LYPD6B: variants seen among roughly 807,000 people sequenced by gnomAD.
LYPD6B encodes the protein ly6/PLAUR domain-containing protein 6B.
Under a neutral mutation model 22.8 loss-of-function variants are expected in LYPD6B, and 17 were observed. The observed-to-expected ratio is 0.75, with a 90% CI of 0.51 to 1.12. The LOEUF is 1.12. Ranked by LOEUF, LYPD6B falls within the 50% of genes most tolerant of loss-of-function variation. The pLI is 0.00. For synonymous variants in LYPD6B, 106 were observed against 91.6 expected, an observed-to-expected ratio of 1.16 and a Z score of -0.90; for missense variants, 221 against 258.3, an observed-to-expected ratio of 0.86 and a Z score of 0.99.
At chr2:149,043,447 A>C (rs1290696860) in intron 1 of LYPD6B, among the ~76,000 whole-genome samples, 2 of 152,192 alleles carry the variant, frequency 1.3e-5, no homozygotes, top group Non-Finnish European at 2.9e-5. Flanking sequence ...CGCAAATAAA[A>C]TTTTAAAGTG....
intron 1 of LYPD6B, among the ~76,000 whole-genome samples, chr2:149,117,307 G>A (rs1687056281): frequency 6.9e-6 from 1 of 144,064 alleles, no homozygotes; most frequent in South Asian, 2.2e-4. Flanking sequence ...GTCTCCCTCT[G>A]TCGCTCAGGC....
At chr2:149,149,346 A>AT (rs1361610607) in intron 2 of LYPD6B, among the ~76,000 whole-genome samples, 2 of 152,074 alleles carry the variant, frequency 1.3e-5, no homozygotes, top group Admixed American at 6.6e-5. Context: ...TTTGTGTGTG[A>AT]TTTTGTATGC....
intron 1 of LYPD6B, among the ~76,000 whole-genome samples, chr2:149,048,360 C>T (rs983676723): frequency 1.1e-4 from 16 of 152,160 alleles, no homozygotes; most frequent in African/African-American, 3.6e-4. Context: ...TCAGTGTACC[C>T]CCAGACTTCA....
chr2:149,149,593 G>A (rs929061676), intron 2 of LYPD6B, among the ~76,000 whole-genome samples: 8 of 152,222 alleles, frequency 5.3e-5, no homozygotes, highest in Admixed American at 2.0e-4. Context: ...TATTCCAAGC[G>A]GCCAGGGAAG....
intron 1 of LYPD6B, among the ~76,000 whole-genome samples, chr2:149,068,420 G>A (rs1558978709): frequency 6.6e-6 from 1 of 152,104 alleles, no homozygotes; most frequent in East Asian, 1.9e-4. Flanking sequence ...GAATTTTCAA[G>A]CTTCATTTGC....
chr2:149,185,374 G>A (rs1466677679), intron 3 of LYPD6B, among the ~76,000 whole-genome samples: 1 of 152,184 alleles, frequency 6.6e-6, no homozygotes, highest in Non-Finnish European at 1.5e-5. Flanking sequence ...TGTGAGCTGG[G>A]AACCTATCCC....
chr2:149,191,715 C>T (rs564044604), intron 3 of LYPD6B, among the ~76,000 whole-genome samples: 1 of 152,100 alleles, frequency 6.6e-6, no homozygotes, highest in East Asian at 1.9e-4. Context: ...CAGGGAGAGG[C>T]CTGGTGATTT....
chr2:149,142,406 C>A (rs1575052469), intron 2 of LYPD6B, among the ~76,000 whole-genome samples: 1 of 152,190 alleles, frequency 6.6e-6, no homozygotes, highest in East Asian at 1.9e-4. Flanking sequence ...GGGTCTTACA[C>A]CAGGGGCTCA....
intron 1 of LYPD6B, among the ~76,000 whole-genome samples, chr2:149,053,472 T>C (rs1683655545): frequency 1.3e-5 from 2 of 152,236 alleles, no homozygotes; most frequent in African/African-American, 4.8e-5. Context: ...ATTTGAACTA[T>C]TGGGTCAAAT....
chr2:149,098,855 A>G (rs1686052992), intron 1 of LYPD6B, among the ~76,000 whole-genome samples: 1 of 151,216 alleles, frequency 6.6e-6, no homozygotes, highest in African/African-American at 2.4e-5. Context: ...CACATCCTGC[A>G]CTTTTACAAG....
chr2:149,091,641 G>T (rs950745001), intron 1 of LYPD6B, among the ~76,000 whole-genome samples: 1 of 151,190 alleles, frequency 6.6e-6, no homozygotes, highest in African/African-American at 2.4e-5. Flanking sequence ...TTTTTAAGTA[G>T]GTACAAATCT....
intron 1 of LYPD6B, among the ~76,000 whole-genome samples, chr2:149,119,375 G>A (rs1015047536): frequency 6.6e-6 from 1 of 152,198 alleles, no homozygotes; most frequent in East Asian, 1.9e-4. Context: ...GTGTTTTGTT[G>A]TAATGTCAAT....
intron 1 of LYPD6B, among the ~76,000 whole-genome samples, chr2:149,109,298 A>G (rs947775512): frequency 1.3e-5 from 2 of 152,056 alleles, no homozygotes; most frequent in Non-Finnish European, 2.9e-5. Flanking sequence ...CGTTAGGTTG[A>G]TAGTTTTTCT....
chr2:149,080,898 T>C (rs191538017), intron 1 of LYPD6B, among the ~76,000 whole-genome samples: 8 of 140,330 alleles, frequency 5.7e-5, no homozygotes, highest in Non-Finnish European at 9.2e-5. Context: ...TATTAGGCAA[T>C]GCCAACCTAG....
At chr2:149,103,616 G>A (rs1686319562) in intron 1 of LYPD6B, among the ~76,000 whole-genome samples, 1 of 151,880 alleles carries the variant, frequency 6.6e-6, no homozygotes, top group Non-Finnish European at 1.5e-5. Context: ...ACCCCCAAAT[G>A]TTTTCTCTTG....
chr2:149,083,499 C>CA (rs1403372703), intron 1 of LYPD6B, among the ~76,000 whole-genome samples: 1 of 152,208 alleles, frequency 6.6e-6, no homozygotes, highest in Non-Finnish European at 1.5e-5. Flanking sequence ...ACAGTCTCTA[C>CA]ACCTTCTTTT....
intron 1 of LYPD6B, among the ~76,000 whole-genome samples, chr2:149,106,765 C>A (rs1284630880): frequency 6.6e-6 from 1 of 151,946 alleles, no homozygotes; most frequent in Non-Finnish European, 1.5e-5. Context: ...TGTTTTTCTG[C>A]TTTCTATTTT....
intron 3 of LYPD6B, among the ~76,000 whole-genome samples, chr2:149,182,729 T>A (rs1242655881): frequency 6.6e-6 from 1 of 152,186 alleles, no homozygotes; most frequent in Non-Finnish European, 1.5e-5. Context: ...TCTCAGACTG[T>A]CAGGATATAC....
intron 1 of LYPD6B, among the ~76,000 whole-genome samples, chr2:149,116,989 A>G (rs1384090038): frequency 7.2e-5 from 11 of 151,958 alleles, no homozygotes; most frequent in Non-Finnish European, 1.0e-4. Flanking sequence ...CCTAATATCT[A>G]AATACTCTAG....
Sources: gnomAD v4.1 joint callset for allele counts (sites outside exome capture counted in the v4.1 genomes callset) on GRCh38, gnomAD v4.1.1 for gene constraint, MANE v1.5 for transcripts, NCBI Gene and HGNC (gene_info 2026-07-23, HGNC 2026-07-21) for gene names.